QTMAN: variants seen among roughly 807,000 people sequenced by gnomAD.
QTMAN encodes queuosine-tRNA mannosyltransferase.
the QTMAN span, among the ~76,000 whole-genome samples, chr2:144,281,395 C>CAAAAAAAAA: frequency 2.8e-4 from 17 of 60,592 alleles, no homozygotes; most frequent in East Asian, 1.2e-3. Flanking sequence ...ATTGTTATAG[C>CAAAAAAAAA]AAAAAAAAAA....
At chr2:144,012,845 T>C in the QTMAN span, among the ~76,000 whole-genome samples, 4 of 152,126 alleles carry the variant, frequency 2.6e-5, no homozygotes, top group Non-Finnish European at 5.9e-5. Context: ...GATTATTCCA[T>C]ATTTGAGCCA....
the QTMAN span, among the ~76,000 whole-genome samples, chr2:144,220,504 A>G: frequency 6.6e-6 from 1 of 152,200 alleles, no homozygotes; most frequent in South Asian, 2.1e-4. Flanking sequence ...AGACATTCCA[A>G]TGATACAAAT....
the QTMAN span, among the ~76,000 whole-genome samples, chr2:144,237,038 A>T: frequency 1.3e-5 from 2 of 152,150 alleles, no homozygotes; most frequent in Admixed American, 6.5e-5. Flanking sequence ...CCTTCTGGGC[A>T]TTTACCACGC....
chr2:144,206,884 G>T, the QTMAN span, among the ~76,000 whole-genome samples: 1 of 152,172 alleles, frequency 6.6e-6, no homozygotes, highest in Non-Finnish European at 1.5e-5. Context: ...TCATTTTAAT[G>T]TTCAAATCAC....
the QTMAN span, among the ~76,000 whole-genome samples, chr2:144,120,037 G>C: frequency 6.6e-6 from 1 of 152,070 alleles, no homozygotes; most frequent in Middle Eastern, 3.2e-3. Flanking sequence ...GATAGTGAAG[G>C]GTTGGAAAGA....
chr2:144,297,900 GA>G, the QTMAN span, among the ~76,000 whole-genome samples: 1 of 144,584 alleles, frequency 6.9e-6, no homozygotes, highest in African/African-American at 2.6e-5. Context: ...TCTTAAAAAA[GA>G]AAAAAAAAGT....
At chr2:144,010,619 T>C in the QTMAN span, among the ~76,000 whole-genome samples, 1 of 152,078 alleles carries the variant, frequency 6.6e-6, no homozygotes, top group South Asian at 2.1e-4. Context: ...TCTGTCAGGA[T>C]AGAACCCTGT....
At chr2:144,084,654 A>G in the QTMAN span, among the ~76,000 whole-genome samples, 1 of 152,114 alleles carries the variant, frequency 6.6e-6, no homozygotes, top group South Asian at 2.1e-4. Context: ...CAAACATCCT[A>G]TGTCTCCCCC....
the QTMAN span, among the ~76,000 whole-genome samples, chr2:144,161,468 T>TCTTA: frequency 6.6e-6 from 1 of 152,150 alleles, no homozygotes; most frequent in Non-Finnish European, 1.5e-5. Context: ...AAATTTCATA[T>TCTTA]CTTACCAGAA....
At chr2:144,047,334 C>G in the QTMAN span, among the ~76,000 whole-genome samples, 2 of 152,138 alleles carry the variant, frequency 1.3e-5, no homozygotes, top group Admixed American at 1.3e-4. Flanking sequence ...CTATTTGTCC[C>G]AAACTAACTT....
chr2:144,263,530 T>G, the QTMAN span, among the ~76,000 whole-genome samples: 9 of 152,170 alleles, frequency 5.9e-5, no homozygotes, highest in Non-Finnish European at 1.0e-4. Context: ...AAGACCAGCC[T>G]GGCCAACATG....
the QTMAN span, among the ~76,000 whole-genome samples, chr2:144,107,566 T>C: frequency 5.3e-5 from 8 of 152,278 alleles, no homozygotes; most frequent in African/African-American, 1.9e-4. Context: ...AGAAGTTGAA[T>C]CTCTGAATAG....
chr2:144,107,538 C>A, the QTMAN span, among the ~76,000 whole-genome samples: 1 of 152,010 alleles, frequency 6.6e-6, no homozygotes, highest in Admixed American at 6.6e-5. Context: ...ACATACACCC[C>A]CTCAAGACTA....
At chr2:144,216,844 GATCT>G in the QTMAN span, among the ~76,000 whole-genome samples, 1 of 151,994 alleles carries the variant, frequency 6.6e-6, no homozygotes, top group Non-Finnish European at 1.5e-5. Flanking sequence ...TATTCTGTTT[GATCT>G]ATTATCATCC....
the QTMAN span, among the ~76,000 whole-genome samples, chr2:144,096,215 T>A: frequency 6.6e-6 from 1 of 152,246 alleles, no homozygotes; most frequent in African/African-American, 2.4e-5. Flanking sequence ...GAATTTCTTA[T>A]GAGTAAAACA....
the QTMAN span, among the ~76,000 whole-genome samples, chr2:143,948,695 A>G: frequency 2.0e-5 from 3 of 152,186 alleles, no homozygotes; most frequent in South Asian, 6.2e-4. Context: ...AGAATTTTCC[A>G]TAAGTAAATT....
chr2:144,331,001 A>T, the QTMAN span, among the ~76,000 whole-genome samples: 1 of 152,256 alleles, frequency 6.6e-6, no homozygotes, highest in East Asian at 1.9e-4. Flanking sequence ...GGTGATGTTA[A>T]AAAATTTACT....
chr2:144,257,843 T>C, the QTMAN span, among the ~76,000 whole-genome samples: 126 of 151,954 alleles, frequency 8.3e-4, 1 homozygote, highest in Admixed American at 1.3e-3. Context: ...CATAGGCAAA[T>C]GGCAGATTAA....
chr2:144,202,945 T>C, the QTMAN span, among the ~76,000 whole-genome samples: 1 of 152,306 alleles, frequency 6.6e-6, no homozygotes, highest in South Asian at 2.1e-4. Flanking sequence ...TGCTACTAAC[T>C]ACACAAACAC....
Sources: gnomAD v4.1 joint callset for allele counts (sites outside exome capture counted in the v4.1 genomes callset) on GRCh38, gnomAD v4.1.1 for gene constraint, MANE v1.5 for transcripts, NCBI Gene and HGNC (gene_info 2026-07-23, HGNC 2026-07-21) for gene names.